OPHN1: variants seen among roughly 807,000 people sequenced by gnomAD.
OPHN1 encodes the protein oligophrenin 1, also known as oligophrenin-1.
A neutral mutation model predicts 60.7 loss-of-function variants in OPHN1; 11 were observed. The observed-to-expected ratio is 0.18, with a 90% CI of 0.11 to 0.30. OPHN1 has a LOEUF of 0.30. Among genes scored for constraint, OPHN1 ranks in the 10% least tolerant of loss-of-function variants. The pLI is 1.00. For synonymous variants in OPHN1, 226 were observed against 222.6 expected (o/e 1.02, Z -0.14); for missense variants, 449 against 611.0 (o/e 0.73, Z 2.80).
chrX:68,409,991 AC>A (rs1209624889), intron 2 of OPHN1, among the ~76,000 whole-genome samples: 1 of 111,683 alleles, frequency 9.0e-6, no homozygotes, highest in African/African-American at 3.3e-5. Context: ...TCCTAATGCC[AC>A]TGTCCAAAAC....
chrX:68,347,385 CAG>C (rs10536117), intron 2 of OPHN1, among the ~76,000 whole-genome samples: 25,098 of 110,593 alleles, frequency 0.23, 2,791 homozygotes, highest in African/African-American at 0.43. Flanking sequence ...AGCACAATCT[CAG>C]ATCACTGCAG....
intron 5 of OPHN1, among the ~76,000 whole-genome samples, chrX:68,258,099 A>T (rs1371874394): frequency 9.1e-6 from 1 of 109,945 alleles, no homozygotes; most frequent in Non-Finnish European, 1.9e-5. Flanking sequence ...CTTTGATGCA[A>T]TTCCCTTCTA....
intron 19 of OPHN1, among the ~76,000 whole-genome samples, chrX:68,078,185 A>G (rs1396004170): frequency 9.0e-6 from 1 of 111,042 alleles, no homozygotes; most frequent in Non-Finnish European, 1.9e-5. Context: ...GAAAATATTT[A>G]TTGTCACAAC....
intron 6 of OPHN1, among the ~76,000 whole-genome samples, chrX:68,228,538 C>G (rs1485955400): frequency 8.9e-6 from 1 of 111,769 alleles, no homozygotes; most frequent in Non-Finnish European, 1.9e-5. Context: ...CTGAATCCAG[C>G]AGCACATCAA....
At chrX:68,112,331 A>C in intron 17 of OPHN1, 1 of 140,854 alleles carries the variant, frequency 7.1e-6, no homozygotes, top group Non-Finnish European at 1.4e-5. Flanking sequence ...AGAAGAGAAG[A>C]CTGTCTCAGA....
At chrX:68,383,939 G>A (rs4316283) in intron 2 of OPHN1, among the ~76,000 whole-genome samples, 36 of 110,393 alleles carry the variant, frequency 3.3e-4, no homozygotes, top group Non-Finnish European at 7.6e-5. Context: ...AAGGAGGAAC[G>A]TTTGCCAGTT....
intron 15 of OPHN1, among the ~76,000 whole-genome samples, chrX:68,187,906 T>C (rs920322584): frequency 1.8e-5 from 2 of 111,987 alleles, no homozygotes; most frequent in African/African-American, 3.2e-5. Context: ...GGATTACAGG[T>C]GTGAGCCACC....
At chrX:68,419,819 G>A (rs2078818108) in intron 2 of OPHN1, among the ~76,000 whole-genome samples, 2 of 111,638 alleles carry the variant, frequency 1.8e-5, no homozygotes, top group African/African-American at 6.5e-5. Flanking sequence ...TGGTATTATG[G>A]ACGTGAGCCA....
At chrX:68,163,877 C>T (rs919054425) in intron 15 of OPHN1, among the ~76,000 whole-genome samples, 3 of 110,572 alleles carry the variant, frequency 2.7e-5, no homozygotes, top group Admixed American at 1.9e-4. Context: ...TGGTTATATC[C>T]TATAAAGGGT....
At chrX:68,086,518 G>A (rs1465781125) in intron 19 of OPHN1, among the ~76,000 whole-genome samples, 1 of 112,093 alleles carries the variant, frequency 8.9e-6, no homozygotes, top group African/African-American at 3.2e-5. Flanking sequence ...CTCATTTATT[G>A]AGTGTTTACA....
At chrX:68,065,147 T>TA (rs199610783) in intron 20 of OPHN1, among the ~76,000 whole-genome samples, 395 of 109,058 alleles carry the variant, frequency 3.6e-3, no homozygotes, top group African/African-American at 0.012. Context: ...ATAATAATAA[T>TA]AAAAAAAAAG....
rs932206332 is a variant in OPHN1 at position 68,337,258 on chromosome X, G to C, written c.155-38162C>G. On this transcript the variant is annotated intron_variant, in intron 2 of 24. Transcript: ENST00000355520. ...TTTTCAATTTTTTTCCCATTCTTAC[G>C]CATCAACTTCTTTAAAAGTTACAAA... is the stretch of plus-strand genomic sequence containing the variant. Among the ~76,000 whole-genome samples, 11 of 110,445 alleles carry C rather than the reference G, an allele frequency of 1.0e-4. No individual in the cohort carries two copies. In the Admixed American group the frequency reaches 1.1e-3, roughly 11 times the overall value.
intron 2 of OPHN1, among the ~76,000 whole-genome samples, chrX:68,375,019 G>A (rs2078549339): frequency 8.9e-6 from 1 of 112,136 alleles, no homozygotes; most frequent in Non-Finnish European, 1.9e-5. Context: ...TTGCTAGTGG[G>A]AATATAAATT....
chrX:68,314,684 C>CAA (rs201692633), intron 2 of OPHN1, among the ~76,000 whole-genome samples: 8 of 108,118 alleles, frequency 7.4e-5, no homozygotes, highest in South Asian at 4.0e-4. Context: ...AAAAACACTA[C>CAA]AAAAAAAAAC....
At chrX:68,111,717 C>A in intron 18 of OPHN1, 137 bp downstream of exon 18, 1 of 502,189 alleles carries the variant, frequency 2.0e-6, no homozygotes, top group East Asian at 3.6e-5. Context: ...AAATAGCCTT[C>A]CTCACAGAGC....
chrX:68,419,132 G>A (rs1033714488), intron 2 of OPHN1, among the ~76,000 whole-genome samples: 2 of 109,458 alleles, frequency 1.8e-5, no homozygotes, highest in Admixed American at 9.8e-5. Flanking sequence ...CTCAGCCTTC[G>A]AAGTAGCTGG....
chrX:68,128,522 T>C (rs1489716301), intron 15 of OPHN1, among the ~76,000 whole-genome samples: 1 of 107,063 alleles, frequency 9.3e-6, no homozygotes, highest in Non-Finnish European at 1.9e-5. Flanking sequence ...GAGAGGAGAG[T>C]GATTTATTTA....
At chrX:68,275,923 G>T (rs1441226991) in intron 4 of OPHN1, among the ~76,000 whole-genome samples, 4 of 111,253 alleles carry the variant, frequency 3.6e-5, no homozygotes, top group Non-Finnish European at 7.5e-5. Context: ...AAATGGCACT[G>T]CCAGCCTTTG....
At chrX:68,162,830 G>A (rs904434794) in intron 15 of OPHN1, among the ~76,000 whole-genome samples, 3 of 110,390 alleles carry the variant, frequency 2.7e-5, no homozygotes, top group Non-Finnish European at 3.8e-5. Context: ...TTTAGAATAC[G>A]GACAAGCTGA....
Sources: allele counts gnomAD v4.1 joint callset (sites outside exome capture counted in the v4.1 genomes callset), GRCh38; gene constraint gnomAD v4.1.1; transcripts MANE v1.5; gene names NCBI Gene and HGNC (gene_info 2026-07-23, HGNC 2026-07-21).